The following PDZD2 variants were observed in gnomAD, a reference collection of about 807,000 sequenced individuals.
PDZD2 encodes PDZ domain containing 2.
PDZD2 carries 90 observed loss-of-function variants against 220.7 expected under a neutral mutation model. The ratio of observed to expected loss-of-function variants is 0.41; its 90% confidence interval spans 0.34 to 0.49. The LOEUF (loss-of-function observed/expected upper bound fraction) is 0.49, where lower values mean the gene tolerates loss of function less well. Among genes scored for constraint, PDZD2 ranks in the 20% least tolerant of loss-of-function variants. PDZD2 has a pLI of 0.28. For synonymous variants in PDZD2, 1,375 were observed against 1,450.5 expected (o/e 0.95, Z 1.18); for missense variants, 3,174 against 3,608.5 (o/e 0.88, Z 3.08).
In PDZD2 at chr5:32,037,330, A is replaced by G. The variant is rs1755638005; in HGVS notation, c.1507A>G (p.Ser503Gly). 4 of 1,607,306 alleles carry G rather than the reference A, an allele frequency of 2.5e-6. No homozygotes were observed. The change falls in exon 7 of 25, where the codon AGT (serine) becomes GGT (glycine). Residue 503 changes from serine (S) to glycine (G), a missense_variant. Ser to Gly is a moderately conservative substitution (Grantham distance 56, BLOSUM62 0). Around this residue, in one of 4 missense-constraint regions of PDZD2, gnomAD observed 632 missense variants for 708.1 expected, o/e 0.89. Coordinates refer to ENST00000438447, the MANE Select transcript of PDZD2 (RefSeq NM_178140.4). ...KQGSNKIKLK[S>G]RLSGGVHRLE... is the part of the protein sequence containing the mutation. ...GGGCAGCAATAAAATCAAGCTCAAG[A>G]GTCGCCTTTCAGGTAGGTGGGGGCT...
chr5:31,747,550 C>A (rs1283954518), intron 1 of PDZD2: 1 of 152,228 alleles, frequency 6.6e-6, no homozygotes, highest in African/African-American at 2.4e-5. Flanking sequence ...ACTCGCCAAT[C>A]TGACAGTGAG....
chr5:32,059,199 A>C, intron 12 of PDZD2, 40 bp from the exon 13 acceptor site: 1 of 1,080,042 alleles, frequency 9.3e-7, no homozygotes, highest in Non-Finnish European at 1.4e-6. Flanking sequence ...GTGATTGTGT[A>C]ATTTTTGTTT....
intron 2 of PDZD2, chr5:31,822,640 C>T: frequency 1.5e-6 from 2 of 1,329,882 alleles, no homozygotes; most frequent in Non-Finnish European, 2.1e-6. Flanking sequence ...TGTTTTTAAC[C>T]TTGTGGCTTG....
At chr5:31,974,501 T>C (rs1374858186) in intron 2 of PDZD2, among the ~76,000 whole-genome samples, 1 of 152,260 alleles carries the variant, frequency 6.6e-6, no homozygotes, top group Non-Finnish European at 1.5e-5. Context: ...ATAAACTGAC[T>C]TATTTTGTGT....
chr5:32,076,288 G>GAAAAAAAAAAAAAAA (rs67898034), intron 18 of PDZD2, among the ~76,000 whole-genome samples: 1 of 87,932 alleles, frequency 1.1e-5, no homozygotes, highest in Non-Finnish European at 2.3e-5. Flanking sequence ...TCGGTCTCAA[G>GAAAAAAAAAAAAAAA]AAAAAAAAAA....
chr5:32,003,628 C>T (rs1274754036), intron 5 of PDZD2, among the ~76,000 whole-genome samples: 3 of 152,232 alleles, frequency 2.0e-5, no homozygotes, highest in East Asian at 3.9e-4. Context: ...GGTTTCTGCA[C>T]GAGCATTCCA....
At chr5:31,804,203 T>C (rs536456325) in intron 2 of PDZD2, among the ~76,000 whole-genome samples, 1 of 152,236 alleles carries the variant, frequency 6.6e-6, no homozygotes, top group East Asian at 1.9e-4. Flanking sequence ...TGCTAGACGA[T>C]GAAAAGCCAG....
In PDZD2 at chr5:32,040,365, C is replaced by T. The variant is rs549198800; in HGVS notation, c.1519+3023C>T. Among the ~76,000 whole-genome samples, 40 of 149,734 alleles carry T rather than the reference C, an allele frequency of 2.7e-4. No homozygotes were observed. The East Asian group carries it at 3.4e-3, about 13-fold the overall frequency. On this transcript the variant is annotated intron_variant, in intron 7 of 24. Transcript: ENST00000438447. ...GAGGAGCCCCTCTGCCTGGCCGCCC[C>T]GTCTAGGAAGTGAGGAGTGCGTCTG...
At chr5:32,101,023 G>C in intron 23 of PDZD2, 82 bp from the exon 24 acceptor site, 1 of 1,588,956 alleles carries the variant, frequency 6.3e-7, no homozygotes. Flanking sequence ...TGGGGCTGGA[G>C]GCGATGCATC....
intron 1 of PDZD2, among the ~76,000 whole-genome samples, chr5:31,769,057 G>A (rs1425178307): frequency 1.3e-5 from 2 of 152,188 alleles, no homozygotes; most frequent in East Asian, 1.9e-4. Flanking sequence ...GATGGAATTC[G>A]GTTTGCAGGG....
chr5:31,810,173 T>C (rs188144883), intron 2 of PDZD2, among the ~76,000 whole-genome samples: 2 of 152,262 alleles, frequency 1.3e-5, no homozygotes, highest in East Asian at 3.9e-4. Context: ...ATCTTTTCTG[T>C]CCGGGTACTA....
chr5:31,882,890 C>G (rs1740054689), intron 2 of PDZD2, among the ~76,000 whole-genome samples: 1 of 151,748 alleles, frequency 6.6e-6, no homozygotes, highest in Non-Finnish European at 1.5e-5. Flanking sequence ...GTTAGCTGAG[C>G]CTGATTGTGA....
At chr5:31,727,701 C>CAA (rs56763561) in intron 1 of PDZD2, among the ~76,000 whole-genome samples, 8 of 90,504 alleles carry the variant, frequency 8.8e-5, no homozygotes, top group Non-Finnish European at 1.3e-4. Flanking sequence ...AGCTCAATCT[C>CAA]AAAAAAAAAA....
intron 1 of PDZD2, among the ~76,000 whole-genome samples, chr5:31,775,466 C>T (rs2150202283): frequency 6.6e-6 from 1 of 152,292 alleles, no homozygotes; most frequent in Admixed American, 6.5e-5. Flanking sequence ...GCCCAGCCAG[C>T]TCAGTTCTAT....
intron 2 of PDZD2, among the ~76,000 whole-genome samples, chr5:31,937,043 T>A (rs1255170218): frequency 6.6e-6 from 1 of 152,196 alleles, no homozygotes; most frequent in Non-Finnish European, 1.5e-5. Flanking sequence ...GGACCATGGG[T>A]GGCAGCCACA....
chr5:31,795,038 C>A lies in PDZD2; in HGVS notation c.-360-3851C>A, dbSNP rs73058492. Among the ~76,000 whole-genome samples, 703 of 152,284 alleles carry A rather than the reference C, an allele frequency of 4.6e-3. 6 individuals carry two copies. Among genetic ancestry groups the A allele is most frequent in the African/African-American group, 0.016 (675 of 41,558 alleles). On this transcript the variant is annotated intron_variant, in intron 1 of 24. Coordinates refer to ENST00000438447, the MANE Select transcript of PDZD2 (RefSeq NM_178140.4). ...CTCTGAATTTCGGGTGACCCTAGGC[C>A]TATAGAAGATGATTAGCTTCAGTTA...
chr5:31,660,259 T>TCCCGGG (rs943714077), intron 1 of PDZD2, among the ~76,000 whole-genome samples: 8 of 152,210 alleles, frequency 5.3e-5, no homozygotes, highest in Non-Finnish European at 1.2e-4. Context: ...CTTAAATATG[T>TCCCGGG]CCCCATATCT....
chr5:32,021,921 G>C (rs530742545), intron 6 of PDZD2, among the ~76,000 whole-genome samples: 14 of 152,204 alleles, frequency 9.2e-5, no homozygotes, highest in African/African-American at 3.1e-4. Flanking sequence ...ATTCTTCCTA[G>C]CACTCTTCCT....
intron 1 of PDZD2, among the ~76,000 whole-genome samples, chr5:31,692,068 C>T (rs904322537): frequency 1.7e-4 from 26 of 152,184 alleles, no homozygotes; most frequent in Non-Finnish European, 3.2e-4. Flanking sequence ...CACGGGGTGG[C>T]GCTCATTGGG....
Sources: allele counts gnomAD v4.1 joint callset (sites outside exome capture counted in the v4.1 genomes callset), GRCh38; gene constraint gnomAD v4.1.1; regional missense constraint gnomAD v4.1.1; transcripts MANE v1.5; gene names NCBI Gene and HGNC (gene_info 2026-07-23, HGNC 2026-07-21).